Variants in RUFY1 observed in about 807,000 individuals in gnomAD.
The protein encoded by RUFY1 is RUN and FYVE domain-containing protein 1.
A neutral mutation model predicts 94.6 loss-of-function variants in RUFY1; 54 were observed. That is an observed-to-expected ratio of 0.57 (90% CI 0.46 to 0.72). The LOEUF is 0.72. Ranked by LOEUF, RUFY1 falls within the 30% of genes least tolerant of loss-of-function variation. The probability of loss-of-function intolerance (pLI) is 0.00; values close to 1 mark genes in which losing one functional copy is unlikely to be tolerated. For missense variants in RUFY1, 883 were observed against 883.9 expected (o/e 1.00, Z 0.01); for synonymous variants, 396 against 347.3 (o/e 1.14, Z -1.56).
At chr5:179,607,707 G>A (rs747931196) in intron 17 of RUFY1, 48 bp downstream of exon 17, 31 of 1,482,504 alleles carry the variant, frequency 2.1e-5, no homozygotes, top group South Asian at 6.8e-5. Context: ...GTCGTTGCCC[G>A]CTGGATTCCC....
At chr5:179,608,668 C>G in intron 17 of RUFY1, 1 of 981,892 alleles carries the variant, frequency 1.0e-6, no homozygotes. Context: ...TGGCTCATGA[C>G]TGTAATCCTA....
Position 179,550,660 on chromosome 5 carries a change from G to C in RUFY1, c.91G>C (p.Glu31Gln). 6.1e-6 allele frequency: 9 copies of C among 1,480,154 alleles called. No individual in the cohort carries two copies. Among genetic ancestry groups the C allele is most frequent in the Non-Finnish European group, 8.0e-6 (9 of 1,121,534 alleles). The allele number at this position is 1,480,154 out of a possible 1,614,324, so 91.7% of individuals were successfully genotyped here. The change falls in exon 1 of 18, where the codon GAG becomes CAG. Residue 31 changes from glutamate to glutamine, a missense_variant. Coordinates refer to ENST00000319449, the MANE Select transcript of RUFY1 (RefSeq NM_025158.5). ...GGGGCCGGGGCCCGGGTCAGCGCTT[G>C]AGCCGGGAGAAGAGTTTGAGATCGT... ...EPGPGPGSAL[E>Q]PGEEFEIVDR...
chr5:179,577,725 G>C (rs1374818946), intron 6 of RUFY1, among the ~76,000 whole-genome samples: 1 of 152,004 alleles, frequency 6.6e-6, no homozygotes, highest in East Asian at 1.9e-4. Flanking sequence ...GGGCAGGGCA[G>C]GTTAGGTGTG....
At chr5:179,578,305 C>A (rs1446725231) in intron 6 of RUFY1, among the ~76,000 whole-genome samples, 3 of 152,140 alleles carry the variant, frequency 2.0e-5, no homozygotes, top group African/African-American at 2.4e-5. Flanking sequence ...CCTCCGCCTC[C>A]CCGGTTCAAG....
chr5:179,560,118 GCCGCAGCCTGGATGCGGACCATGCCC>G lies in RUFY1; in HGVS notation c.407_432del (p.Arg136LeufsTer19). 3.7e-6 allele frequency: 6 copies of G among 1,614,062 alleles called. No homozygotes were observed. Among genetic ancestry groups the G allele is most frequent in the Non-Finnish European group, 5.1e-6 (6 of 1,179,974 alleles). On this transcript the variant is annotated frameshift_variant, in exon 2 of 18. Coordinates refer to ENST00000319449, the MANE Select transcript of RUFY1 (RefSeq NM_025158.5). LOFTEE classifies it high-confidence loss of function. ...TTGCTCCAGTCGGCTCTGAGCCTGG[GCCGCAGCCTGGATGCGGACCATGCCC>G]CCTTGCAGCAGTTCTTTGTAGTGAT...
Position 179,590,236 on chromosome 5 carries a change from C to A in RUFY1, c.1128+589C>A, listed in dbSNP as rs188205870. On this transcript the variant is annotated intron_variant, in intron 9 of 17. Coordinates refer to ENST00000319449, the MANE Select transcript of RUFY1 (RefSeq NM_025158.5). ...GGGCGTGGTGGCAGGTGCCTGTAGT[C>A]CCAGCTGCTCGGGAGGCTGAGGCAG... Among the ~76,000 whole-genome samples the A allele has an allele frequency of 5.0e-3, 766 of 151,870 alleles. 4 individuals carry two copies. Among genetic ancestry groups the A allele is most frequent in the African/African-American group, 0.017 (708 of 41,470 alleles).
chr5:179,601,883 T>G lies in RUFY1; in HGVS notation c.1762-9T>G, dbSNP rs1205511849. 1 of 1,601,748 alleles carries G rather than the reference T, an allele frequency of 6.2e-7. No homozygotes were observed. The highest frequency in any genetic ancestry group is 2.2e-5 in the East Asian group (1 of 44,648). On this transcript the variant is annotated splice_polypyrimidine_tract_variant and intron_variant, in intron 14 of 17. Transcript: ENST00000319449. Reference sequence around the variant, plus strand: ...TCTGTCCAGCATCTGGTTGGTTTGTTCATTTTAGGAGTTGCGGGAGCTTCA... The same window carrying G: ...TCTGTCCAGCATCTGGTTGGTTTGTGCATTTTAGGAGTTGCGGGAGCTTCA...
At chr5:179,576,273 G>A (rs149891099) in intron 5 of RUFY1, among the ~76,000 whole-genome samples, 2 of 152,220 alleles carry the variant, frequency 1.3e-5, no homozygotes, top group East Asian at 1.9e-4. Context: ...TGGCAAAGCC[G>A]TTGATGTTTA....
intron 11 of RUFY1, 106 bp from the exon 12 acceptor site, chr5:179,594,760 C>CAAA (rs57540208): frequency 4.0e-4 from 134 of 333,654 alleles, no homozygotes; most frequent in Non-Finnish European, 4.8e-4. Flanking sequence ...GACTCTGTCT[C>CAAA]AAAAAAAAAA....
At chr5:179,559,255 T>C (rs1017446579) in intron 1 of RUFY1, among the ~76,000 whole-genome samples, 8 of 152,218 alleles carry the variant, frequency 5.3e-5, no homozygotes, top group Non-Finnish European at 1.5e-5. Flanking sequence ...CTGATGATAA[T>C]TGCACACAGT....
chr5:179,568,980 A>T, intron 4 of RUFY1: 1 of 946,182 alleles, frequency 1.1e-6, no homozygotes. Context: ...ATATCAACAC[A>T]GAACAGGAGC....
In RUFY1 at chr5:179,550,799, T is replaced by C. The variant is rs1265007766; in HGVS notation, c.230T>C (p.Leu77Pro). The part of the protein sequence containing the change: ...LTLARRATGN[L>P]SASCGSALRA... ...CTGGCACGCAGGGCCACCGGGAACC[T>C]GTCGGCGAGCTGCGGGAGCGCGCTG... The change falls in exon 1 of 18, where the codon CTG becomes CCG. Residue 77 changes from leucine to proline, a missense_variant. By Grantham distance (98) the Leu-to-Pro change is moderately conservative (BLOSUM62 -3). Coordinates refer to ENST00000319449, the MANE Select transcript of RUFY1 (RefSeq NM_025158.5). The C allele has an allele frequency of 1.2e-5, 16 of 1,333,204 alleles. No individual in the cohort carries two copies. The highest frequency in any genetic ancestry group is 1.4e-5 in the Non-Finnish European group (15 of 1,040,152). 82.6% of individuals were successfully genotyped at this position (1,333,204 alleles called of 1,614,324 possible).
At chr5:179,589,484 T>C (rs1465152896) in intron 8 of RUFY1, 62 bp from the exon 9 acceptor site, 37 of 1,081,060 alleles carry the variant, frequency 3.4e-5, no homozygotes, top group Non-Finnish European at 4.6e-5. Flanking sequence ...AAATTAATGT[T>C]TTTAATTTGA....
chr5:179,571,967 T>C (rs1435774060), intron 5 of RUFY1, among the ~76,000 whole-genome samples: 1 of 152,230 alleles, frequency 6.6e-6, no homozygotes, highest in Non-Finnish European at 1.5e-5. Context: ...CTGTAAGTTT[T>C]TTATTTTTAG....
intron 10 of RUFY1, among the ~76,000 whole-genome samples, chr5:179,593,274 C>T (rs928608656): frequency 2.6e-5 from 4 of 151,754 alleles, no homozygotes; most frequent in East Asian, 1.9e-4. Flanking sequence ...GATGGGGTTT[C>T]GCCATCTTGG....
chr5:179,575,150 T>A (rs1285168359), intron 5 of RUFY1, among the ~76,000 whole-genome samples: 2 of 151,786 alleles, frequency 1.3e-5, no homozygotes, highest in Non-Finnish European at 2.9e-5. Context: ...ACGTAGGTTT[T>A]GTTTTAAATT....
At chr5:179,586,370 C>T (rs1235744217) in intron 8 of RUFY1, 7 of 456,578 alleles carry the variant, frequency 1.5e-5, no homozygotes, top group South Asian at 7.7e-5. Context: ...AGGGCTGAGC[C>T]GAGGAAGAGA....
chr5:179,585,295 G>T (rs1043208817), intron 7 of RUFY1, among the ~76,000 whole-genome samples: 5 of 151,830 alleles, frequency 3.3e-5, no homozygotes, highest in Admixed American at 3.3e-4. Flanking sequence ...AAAGAAATAG[G>T]CCGGGCACAG....
chr5:179,580,241 G>GTGTGTGTGTGTATATATATATATA (rs149099074), intron 6 of RUFY1, among the ~76,000 whole-genome samples: 4 of 93,852 alleles, frequency 4.3e-5, no homozygotes, highest in African/African-American at 1.4e-4. Context: ...GTGTGTGTGT[G>GTGTGTGTGTGTATATATATATATA]TATATTTTTT....
Sources: gnomAD v4.1 joint callset for allele counts (sites outside exome capture counted in the v4.1 genomes callset) on GRCh38, gnomAD v4.1.1 for gene constraint, MANE v1.5 for transcripts, NCBI Gene and HGNC (gene_info 2026-07-23, HGNC 2026-07-21) for gene names.